DOCK1: variants seen among roughly 807,000 people sequenced by gnomAD.
DOCK1 encodes dedicator of cytokinesis 1.
A neutral mutation model predicts 262.7 loss-of-function variants in DOCK1; 138 were observed. That is an observed-to-expected ratio of 0.53 (90% CI 0.46 to 0.61). The LOEUF (loss-of-function observed/expected upper bound fraction) is 0.61. Among genes scored for constraint, DOCK1 ranks in the 20% least tolerant of loss-of-function variants. The probability of loss-of-function intolerance (pLI) is 0.00; values close to 1 mark genes in which losing one functional copy is unlikely to be tolerated. For missense variants in DOCK1, 1,908 were observed against 2,370.7 expected, an observed-to-expected ratio of 0.80 and a Z score of 4.05; for synonymous variants, 866 against 867.4, an observed-to-expected ratio of 1.00 and a Z score of 0.03.
intron 1 of DOCK1, among the ~76,000 whole-genome samples, chr10:126,910,144 A>G (rs550841101): frequency 2.6e-5 from 4 of 152,384 alleles, no homozygotes; most frequent in Admixed American, 2.0e-4. Context: ...ATCATAAGTA[A>G]ATAGAAATGC....
chr10:126,907,131 G>A (rs1427195947), intron 1 of DOCK1, among the ~76,000 whole-genome samples: 2 of 2,634 alleles, frequency 7.6e-4, no homozygotes, highest in African/African-American at 8.3e-4. Context: ...CATCAGAGGC[G>A]AGAGGTTCGG....
intron 29 of DOCK1, among the ~76,000 whole-genome samples, chr10:127,284,005 T>A (rs943852664): frequency 5.3e-5 from 8 of 152,246 alleles, no homozygotes; most frequent in African/African-American, 1.7e-4. Flanking sequence ...TTAAAAAAAT[T>A]GTTAATGTAA....
chr10:127,331,044 G>A (rs2062955922), intron 29 of DOCK1, among the ~76,000 whole-genome samples: 1 of 152,048 alleles, frequency 6.6e-6, no homozygotes, highest in African/African-American at 2.4e-5. Context: ...CTGGCAAGCT[G>A]TCACGTGGAA....
intron 27 of DOCK1, among the ~76,000 whole-genome samples, chr10:127,213,995 A>G (rs1353815596): frequency 6.6e-6 from 1 of 152,088 alleles, no homozygotes; most frequent in Non-Finnish European, 1.5e-5. Context: ...ACCCGCCACC[A>G]TGCCTGGCTA....
intron 31 of DOCK1, among the ~76,000 whole-genome samples, chr10:127,349,173 G>A (rs748945542): frequency 1.2e-4 from 18 of 151,762 alleles, no homozygotes; most frequent in African/African-American, 4.8e-5. Context: ...GCTTCCTTTA[G>A]GTCCATCTCA....
At chr10:127,028,059 C>CG (rs967818053) in intron 16 of DOCK1, among the ~76,000 whole-genome samples, 3 of 22,006 alleles carry the variant, frequency 1.4e-4, no homozygotes, top group African/African-American at 6.3e-4. Context: ...TGGTGCATGG[C>CG]GGGGGAGTGC....
At chr10:127,067,259 T>G (rs1236940389) in intron 23 of DOCK1, among the ~76,000 whole-genome samples, 1 of 152,184 alleles carries the variant, frequency 6.6e-6, no homozygotes, top group African/African-American at 2.4e-5. Flanking sequence ...CACTCGTGGA[T>G]TGCAGTGCTG....
chr10:127,088,017 C>G (rs186020299), intron 23 of DOCK1, among the ~76,000 whole-genome samples: 140 of 152,268 alleles, frequency 9.2e-4, no homozygotes, highest in African/African-American at 3.3e-3. Context: ...GCTAAGTTTT[C>G]TCTGATTTGC....
chr10:126,981,800 TA>T, intron 3 of DOCK1, 117 bp from the exon 4 acceptor site: 5 of 962,708 alleles, frequency 5.2e-6, no homozygotes, highest in Non-Finnish European at 7.6e-6. Context: ...TGTTAAGACT[TA>T]AAAAATTAAG....
intron 25 of DOCK1, among the ~76,000 whole-genome samples, chr10:127,113,844 G>C (rs1170064230): frequency 6.6e-6 from 1 of 152,126 alleles, no homozygotes; most frequent in Non-Finnish European, 1.5e-5. Flanking sequence ...AGGCCCTCAA[G>C]GATTAGATGA....
intron 23 of DOCK1, among the ~76,000 whole-genome samples, chr10:127,093,227 C>CTTTCTTTCT (rs1591994573): frequency 1.5e-5 from 1 of 67,830 alleles, no homozygotes; most frequent in East Asian, 3.4e-4. Context: ...TCTTTTCTTT[C>CTTTCTTTCT]TTTCTTTCTT....
chr10:126,950,184 C>T (rs1273977644), intron 1 of DOCK1, among the ~76,000 whole-genome samples: 2 of 152,040 alleles, frequency 1.3e-5, no homozygotes, highest in African/African-American at 4.8e-5. Context: ...TGGTAAGGGG[C>T]TAATAGCTCT....
chr10:127,185,701 G>T (rs1403787315), intron 27 of DOCK1, among the ~76,000 whole-genome samples: 1 of 152,198 alleles, frequency 6.6e-6, no homozygotes, highest in Admixed American at 6.5e-5. Context: ...AGAAGGGATA[G>T]TTTTGTTCGT....
rs191030166 is a variant in DOCK1 at position 127,401,057 on chromosome 10, C to T, written c.3928-1998C>T. 2.0e-5 allele frequency among the ~76,000 whole-genome samples: 3 copies of T among 152,244 alleles called. No homozygotes were observed. The East Asian group carries it at 5.8e-4, about 29-fold the overall frequency. Reference sequence around the variant, plus strand: ...TGCATGTCTGACACCTGGCTCTACCCAGACCACCAGCCCCACTCCTATGGC... The same window carrying T: ...TGCATGTCTGACACCTGGCTCTACCTAGACCACCAGCCCCACTCCTATGGC... On this transcript the variant is annotated intron_variant, in intron 38 of 51. Coordinates refer to ENST00000623213, the MANE Select transcript of DOCK1 (RefSeq NM_001290223.2).
At chr10:127,126,251 T>C (rs577140500) in intron 26 of DOCK1, among the ~76,000 whole-genome samples, 7 of 152,238 alleles carry the variant, frequency 4.6e-5, no homozygotes, top group African/African-American at 1.7e-4. Context: ...CCTGCCACCA[T>C]GCCCAGCTAA....
intron 48 of DOCK1, among the ~76,000 whole-genome samples, chr10:127,436,495 G>A (rs1591054965): frequency 6.6e-6 from 1 of 152,162 alleles, no homozygotes; most frequent in Non-Finnish European, 1.5e-5. Context: ...CTCCAGCCTG[G>A]GCAACAGAGT....
rs2055177427 is a variant in DOCK1, at chr10:127,176,516, AGG to A, written c.2847+48753_2847+48754del. The A allele has an allele frequency of 1.2e-6, 1 of 850,924 alleles. No individual in the cohort carries two copies. The highest frequency in any genetic ancestry group is 2.6e-5 in the East Asian group (1 of 38,234). The allele number at this position is 850,924 out of a possible 1,614,324, so 52.7% of individuals were successfully genotyped here. ...GCCTGTTTCCTAATTATATTTAAGCAGGTGAGGTCGGCCTTTATGTTAAGGAA... is the reference window on the plus strand; with the variant it reads ...GCCTGTTTCCTAATTATATTTAAGCATGAGGTCGGCCTTTATGTTAAGGAA... On this transcript the variant is annotated intron_variant, in intron 27 of 51. Coordinates refer to ENST00000623213, the MANE Select transcript of DOCK1 (RefSeq NM_001290223.2). The surrounding 1 kb of genome is among the most constrained non-coding windows in gnomAD (Gnocchi z 4.4).
intron 27 of DOCK1, among the ~76,000 whole-genome samples, chr10:127,174,009 G>T (rs574506167): frequency 1.8e-4 from 27 of 152,284 alleles, no homozygotes; most frequent in African/African-American, 6.5e-4. Context: ...GCTGGAGCTG[G>T]GCCTTTCACC....
intron 27 of DOCK1, among the ~76,000 whole-genome samples, chr10:127,143,848 T>C (rs1020736204): frequency 1.3e-5 from 2 of 152,152 alleles, no homozygotes; most frequent in Non-Finnish European, 2.9e-5. Flanking sequence ...TTTGTTGTTC[T>C]CTTCTGAACA....
Sources: allele counts gnomAD v4.1 joint callset (sites outside exome capture counted in the v4.1 genomes callset), GRCh38; gene constraint gnomAD v4.1.1; non-coding constraint Gnocchi (gnomAD v3.1); transcripts MANE v1.5; gene names NCBI Gene and HGNC (gene_info 2026-07-23, HGNC 2026-07-21).